The following ZC3H3 variants were observed in gnomAD, a reference collection of about 807,000 sequenced individuals.
ZC3H3 encodes the protein zinc finger CCCH domain-containing protein 3.
Under a neutral mutation model 77.3 loss-of-function variants are expected in ZC3H3, and 36 were observed. The observed-to-expected ratio is 0.47, with a 90% CI of 0.36 to 0.61. The LOEUF (loss-of-function observed/expected upper bound fraction) is 0.61, where lower values mean the gene tolerates loss of function less well. Among genes scored for constraint, ZC3H3 ranks in the 20% least tolerant of loss-of-function variants. The pLI is 0.00. For missense variants in ZC3H3, 1,331 were observed against 1,312.2 expected (o/e 1.01, Z -0.22); for synonymous variants, 626 against 555.2 (o/e 1.13, Z -1.79).
chr8:143,521,144 G>A lies in ZC3H3; in HGVS notation c.1562-13245C>T, dbSNP rs548008153. On this transcript the variant is annotated intron_variant, in intron 3 of 11. Transcript: ENST00000262577. ...AGAGGGTTCTCAACAAGAAAACCAC[G>A]GCCACCCCAGGGGCAGCCTGGCTCC... 1.6e-4 allele frequency among the ~76,000 whole-genome samples: 24 copies of A among 152,150 alleles called. No individual in the cohort carries two copies. The South Asian group carries it at 2.7e-3, about 17-fold the overall frequency.
At chr8:143,489,024 C>T (rs1208248899) in intron 4 of ZC3H3, among the ~76,000 whole-genome samples, 1 of 152,242 alleles carries the variant, frequency 6.6e-6, no homozygotes, top group East Asian at 1.9e-4. Flanking sequence ...CTCTGTCCCC[C>T]AAGCCAGTGG....
At chr8:143,448,687 C>CGGTGGAT (rs1819918374) in intron 9 of ZC3H3, among the ~76,000 whole-genome samples, 1 of 152,032 alleles carries the variant, frequency 6.6e-6, no homozygotes, top group African/African-American at 2.4e-5. Context: ...TGCAAGCTGT[C>CGGTGGAT]GGTGGATCTA....
intron 3 of ZC3H3, among the ~76,000 whole-genome samples, chr8:143,515,100 C>T (rs1402678164): frequency 6.6e-6 from 1 of 152,214 alleles, no homozygotes; most frequent in East Asian, 1.9e-4. Context: ...TGCTGGGTTC[C>T]GAGAAACATG....
At chr8:143,531,280 C>A (rs1478236703) in intron 3 of ZC3H3, among the ~76,000 whole-genome samples, 1 of 152,152 alleles carries the variant, frequency 6.6e-6, no homozygotes, top group Non-Finnish European at 1.5e-5. Flanking sequence ...TCCTCATCCC[C>A]CAGCTGCCAA....
rs778035905 is a variant in ZC3H3, at chr8:143,468,606, A to G, written c.1946+11T>C. 3 of 1,569,582 alleles carry G rather than the reference A, an allele frequency of 1.9e-6. No homozygotes were observed. Among genetic ancestry groups the G allele is most frequent in the Non-Finnish European group, 2.6e-6 (3 of 1,158,194 alleles). On this transcript the variant is annotated intron_variant, in intron 6 of 11. Transcript: ENST00000262577. Reference sequence around the variant, plus strand: ...AGGGAGCCCACCCACTGCCCAGCCCAAAGGCATTACCTGGCCAGGGAACGG... The same window carrying G: ...AGGGAGCCCACCCACTGCCCAGCCCGAAGGCATTACCTGGCCAGGGAACGG...
At chr8:143,446,679 A>C (rs1819869496) in intron 9 of ZC3H3, among the ~76,000 whole-genome samples, 1 of 152,272 alleles carries the variant, frequency 6.6e-6, no homozygotes, top group African/African-American at 2.4e-5. Flanking sequence ...AAAAAGGTTG[A>C]ACACAGCCTT....
rs370942327 is a variant in ZC3H3 at position 143,538,267 on chromosome 8, G to A, written c.1100C>T (p.Ser367Phe). Residue 367 changes from serine (S) to phenylalanine (F), a missense_variant, in exon 2 of 12, where the codon TCC becomes TTC. Ser to Phe is a radical substitution (Grantham distance 155). This residue lies in a region of ZC3H3 where 978 missense variants were observed against 915.5 expected (regional missense o/e 1.07). Coordinates refer to ENST00000262577, the MANE Select transcript of ZC3H3 (RefSeq NM_015117.3). ...GCTGGGGGCAGACCCTGGCTTGGAG[G>A]ACGTGGCTGGCTTCCTGGGCTTGGG... ...PEPKPRKPAT[S>F]SKPGSAPSKY... is the part of the protein sequence containing the mutation. 3 of 1,612,870 alleles carry A rather than the reference G, an allele frequency of 1.9e-6. No individual in the cohort carries two copies. Among genetic ancestry groups the A allele is most frequent in the Admixed American group, 1.7e-5 (1 of 60,008 alleles).
intron 4 of ZC3H3, among the ~76,000 whole-genome samples, chr8:143,478,780 G>T (rs939901768): frequency 1.2e-4 from 18 of 152,234 alleles, no homozygotes; most frequent in African/African-American, 4.3e-4. Context: ...AAAGTGCCGG[G>T]ATTACAGGCA....
At chr8:143,451,929 C>T (rs1358842349) in intron 9 of ZC3H3, among the ~76,000 whole-genome samples, 4 of 152,348 alleles carry the variant, frequency 2.6e-5, no homozygotes, top group South Asian at 2.1e-4. Flanking sequence ...CCTCTGGCTG[C>T]GGAGAAGGTG....
chr8:143,527,232 C>CT, intron 3 of ZC3H3, among the ~76,000 whole-genome samples: 1 of 152,206 alleles, frequency 6.6e-6, no homozygotes, highest in Non-Finnish European at 1.5e-5. Flanking sequence ...GGACAGGTGT[C>CT]CTGCACTTGA....
chr8:143,532,419 C>A (rs557707259), intron 3 of ZC3H3, among the ~76,000 whole-genome samples: 1 of 152,270 alleles, frequency 6.6e-6, no homozygotes, highest in African/African-American at 2.4e-5. Context: ...GACACTGGGA[C>A]ACTGCCGTCT....
chr8:143,441,115 C>T lies in ZC3H3; in HGVS notation c.2313G>A (p.Lys771=). Residue 771 remains lysine, a synonymous_variant, in exon 10 of 12, where the codon AAG becomes AAA. Coordinates refer to ENST00000262577, the MANE Select transcript of ZC3H3 (RefSeq NM_015117.3). ...KGYCPLGAKC[K]KKHTLLCPDF... ...CGGGGCACAGCAGCGTGTGTTTCTT[C>T]TTGCACTGCAGAGAGAAGGGGTGCA... 1 of 1,435,272 alleles carries T rather than the reference C, an allele frequency of 7.0e-7. No homozygotes were observed. Among genetic ancestry groups the T allele is most frequent in the Non-Finnish European group, 9.1e-7 (1 of 1,104,910 alleles). 88.9% of individuals were successfully genotyped at this position (1,435,272 alleles called of 1,614,324 possible).
chr8:143,456,605 C>T (rs151334793), intron 9 of ZC3H3, among the ~76,000 whole-genome samples: 1 of 152,206 alleles, frequency 6.6e-6, no homozygotes, highest in East Asian at 1.9e-4. Context: ...ATAGTAGGGC[C>T]ACACTTATAA....
At chr8:143,480,469 G>A (rs1820878034) in intron 4 of ZC3H3, among the ~76,000 whole-genome samples, 1 of 152,220 alleles carries the variant, frequency 6.6e-6, no homozygotes, top group Admixed American at 6.5e-5. Flanking sequence ...GCTGAGAGGG[G>A]CCTCACCCCA....
intron 5 of ZC3H3, among the ~76,000 whole-genome samples, chr8:143,473,963 C>A (rs1820651633): frequency 6.6e-6 from 1 of 152,184 alleles, no homozygotes; most frequent in Non-Finnish European, 1.5e-5. Flanking sequence ...CCCCACAGGC[C>A]ACCAAGCTCC....
At chr8:143,490,915 TAAAC>T (rs1407104931) in intron 4 of ZC3H3, among the ~76,000 whole-genome samples, 1 of 148,038 alleles carries the variant, frequency 6.8e-6, no homozygotes, top group Non-Finnish European at 1.5e-5. Flanking sequence ...TCAAAATAAA[TAAAC>T]AAATAAATAT....
chr8:143,535,608 C>T (rs762712919), intron 3 of ZC3H3, among the ~76,000 whole-genome samples: 2 of 152,224 alleles, frequency 1.3e-5, no homozygotes, highest in Admixed American at 6.5e-5. Flanking sequence ...GCCTGGAGGC[C>T]GCTCCCCCAG....
chr8:143,526,908 A>T (rs1317480107), intron 3 of ZC3H3, among the ~76,000 whole-genome samples: 1 of 152,170 alleles, frequency 6.6e-6, no homozygotes, highest in Non-Finnish European at 1.5e-5. Flanking sequence ...GAGCTGGTGA[A>T]AAGACACCGC....
At chr8:143,465,907 G>A (rs939347894) in intron 8 of ZC3H3, 59 bp from the exon 9 acceptor site, 2 of 1,564,282 alleles carry the variant, frequency 1.3e-6, no homozygotes, top group Non-Finnish European at 1.7e-6. Context: ...GCCCAGAGAC[G>A]GTGGCTGGGG....
Sources: allele counts gnomAD v4.1 joint callset (sites outside exome capture counted in the v4.1 genomes callset), GRCh38; gene constraint gnomAD v4.1.1; regional missense constraint gnomAD v4.1.1; transcripts MANE v1.5; gene names NCBI Gene and HGNC (gene_info 2026-07-23, HGNC 2026-07-21).